Variants in CDH11 observed in about 807,000 individuals in gnomAD.
The protein encoded by CDH11 is cadherin-11.
A neutral mutation model predicts 67.8 loss-of-function variants in CDH11; 11 were observed. The observed-to-expected ratio is 0.16, with a 90% confidence interval of 0.10 to 0.27. CDH11 has a LOEUF of 0.27. Ranked by LOEUF, CDH11 falls within the 10% of genes least tolerant of loss-of-function variation. The pLI, the probability that CDH11 is intolerant of heterozygous loss-of-function variation, is 1.00. For missense variants in CDH11, 847 were observed against 1,031.2 expected (o/e 0.82, Z 2.45); for synonymous variants, 419 against 400.0 (o/e 1.05, Z -0.57).
intron 1 of CDH11, among the ~76,000 whole-genome samples, chr16:65,116,028 G>A (rs979044252): frequency 6.6e-6 from 1 of 152,144 alleles, no homozygotes; most frequent in Admixed American, 6.5e-5. Flanking sequence ...TGCACTTACA[G>A]GCCTTGGACT....
intron 6 of CDH11, among the ~76,000 whole-genome samples, chr16:64,989,041 T>C (rs186204275): frequency 6.6e-5 from 10 of 152,262 alleles, no homozygotes; most frequent in Non-Finnish European, 7.4e-5. Flanking sequence ...CTTGTTTTGT[T>C]TACTACTAAA....
intron 7 of CDH11, chr16:64,983,331 A>C (rs908913847): frequency 2.0e-5 from 3 of 152,214 alleles, no homozygotes; most frequent in African/African-American, 7.2e-5. Context: ...TGAATCAGTC[A>C]GCAAAGGATG....
intron 1 of CDH11, among the ~76,000 whole-genome samples, chr16:65,084,282 A>G (rs990914037): frequency 6.6e-6 from 1 of 151,744 alleles, no homozygotes; most frequent in Non-Finnish European, 1.5e-5. Context: ...TGAGCCCAGG[A>G]GTTGGAGACC....
At chr16:64,950,725 G>C in intron 12 of CDH11, 42 bp downstream of exon 12, 5 of 1,599,212 alleles carry the variant, frequency 3.1e-6, no homozygotes, top group Non-Finnish European at 4.3e-6. Flanking sequence ...GGGGCATCCG[G>C]TTGCCTGGCC....
At chr16:65,014,091 C>T (rs2073242614) in intron 2 of CDH11, among the ~76,000 whole-genome samples, 2 of 152,136 alleles carry the variant, frequency 1.3e-5, no homozygotes, top group African/African-American at 2.4e-5. Context: ...CATATTTTAA[C>T]CCCTGGATAC....
At chr16:65,092,939 CT>C (rs572146359) in intron 1 of CDH11, among the ~76,000 whole-genome samples, 4,432 of 137,742 alleles carry the variant, frequency 0.032, 106 homozygotes, top group African/African-American at 0.075. Flanking sequence ...AGTTTGTCTC[CT>C]TTTTTTTTTT....
At chr16:65,000,723 C>A (rs572565550) in intron 3 of CDH11, among the ~76,000 whole-genome samples, 3 of 152,002 alleles carry the variant, frequency 2.0e-5, no homozygotes, top group South Asian at 4.2e-4. Context: ...GCAGGAGAAT[C>A]GCTTGAAACC....
At chr16:65,110,740 G>A (rs2142881603) in intron 1 of CDH11, among the ~76,000 whole-genome samples, 1 of 151,654 alleles carries the variant, frequency 6.6e-6, no homozygotes, top group Middle Eastern at 3.4e-3. Context: ...TAGCTTCCAG[G>A]AAAGTTAGGG....
intron 1 of CDH11, among the ~76,000 whole-genome samples, chr16:65,062,475 G>C (rs2074248591): frequency 6.6e-6 from 1 of 152,116 alleles, no homozygotes; most frequent in Non-Finnish European, 1.5e-5. Context: ...ATAGTCCATA[G>C]CAATACAACT....
At chr16:65,028,192 T>C (rs543274693) in intron 2 of CDH11, among the ~76,000 whole-genome samples, 14 of 152,302 alleles carry the variant, frequency 9.2e-5, no homozygotes, top group African/African-American at 3.4e-4. Flanking sequence ...GGCCTCACCA[T>C]GACTGACCGC....
At chr16:65,068,196 G>A (rs1157672650) in intron 1 of CDH11, among the ~76,000 whole-genome samples, 4 of 150,470 alleles carry the variant, frequency 2.7e-5, no homozygotes. Flanking sequence ...AAGGAAATGA[G>A]AGAAGAAGGG....
chr16:65,087,355 AGG>A (rs1329940562), intron 1 of CDH11, among the ~76,000 whole-genome samples: 1 of 152,154 alleles, frequency 6.6e-6, no homozygotes, highest in Admixed American at 6.5e-5. Context: ...GCTGCAATTC[AGG>A]GGACTATGTA....
At chr16:65,075,560 G>A (rs1210799374) in intron 1 of CDH11, among the ~76,000 whole-genome samples, 1 of 152,164 alleles carries the variant, frequency 6.6e-6, no homozygotes, top group East Asian at 1.9e-4. Context: ...TGTCTAAGCA[G>A]GATTTATGAT....
chr16:64,952,711 G>C (rs943417180), intron 11 of CDH11, among the ~76,000 whole-genome samples: 1 of 151,904 alleles, frequency 6.6e-6, no homozygotes, highest in Non-Finnish European at 1.5e-5. Flanking sequence ...GGTATGGTCT[G>C]CCTCTGTTTG....
At chr16:65,122,283 G>A (rs2075348908), upstream of CDH11, 1 of 381,342 alleles carries the variant, frequency 2.6e-6, no homozygotes. Context: ...CAGGGGCCCA[G>A]AGATGCTAAC....
intron 2 of CDH11, among the ~76,000 whole-genome samples, chr16:65,040,622 G>T (rs1181277475): frequency 6.6e-6 from 1 of 152,020 alleles, no homozygotes; most frequent in Non-Finnish European, 1.5e-5. Flanking sequence ...TGAGTTAATG[G>T]GTGCAGCACA....
intron 10 of CDH11, 65 bp downstream of exon 10, chr16:64,971,864 GGT>G: frequency 6.4e-7 from 1 of 1,558,894 alleles, no homozygotes; most frequent in Non-Finnish European, 8.8e-7. Flanking sequence ...TCCAAGTGAT[GGT>G]TTAAAAAACA....
intron 2 of CDH11, among the ~76,000 whole-genome samples, chr16:65,011,331 A>G (rs2073180804): frequency 6.6e-6 from 1 of 152,118 alleles, no homozygotes; most frequent in Admixed American, 6.6e-5. Context: ...GAATACAAGA[A>G]GATTGCATGA....
chr16:64,968,013 G>T (rs545186147), intron 11 of CDH11, among the ~76,000 whole-genome samples: 4 of 152,292 alleles, frequency 2.6e-5, no homozygotes, highest in African/African-American at 7.2e-5. Flanking sequence ...TCTGAGGATT[G>T]TTATTATTGA....
Sources: allele counts gnomAD v4.1 joint callset (sites outside exome capture counted in the v4.1 genomes callset), GRCh38; gene constraint gnomAD v4.1.1; transcripts MANE v1.5; gene names NCBI Gene and HGNC (gene_info 2026-07-23, HGNC 2026-07-21).